IFITM1: variants seen among roughly 807,000 people sequenced by gnomAD.
IFITM1 encodes interferon induced transmembrane protein 1.
A neutral mutation model predicts 4.0 loss-of-function variants in IFITM1; 1 was observed. That is an observed-to-expected ratio of 0.25 (90% confidence interval 0.09 to 1.18). The LOEUF (loss-of-function observed/expected upper bound fraction) is 1.18. Among genes scored for constraint, IFITM1 ranks in the 50% most tolerant of loss-of-function variants. The pLI, the probability that IFITM1 is intolerant of heterozygous loss-of-function variation, is 0.50. For missense variants in IFITM1, 131 were observed against 163.2 expected, an observed-to-expected ratio of 0.80 and a Z score of 1.08; for synonymous variants, 79 against 69.7, an observed-to-expected ratio of 1.13 and a Z score of -0.67.
Position 314,297 on chromosome 11 carries a change from A to G in IFITM1, c.127A>G (p.Asn43Asp). ...VPDHVVWSLFNTLFLNWCCLG... is the reference protein window; with the variant it reads ...VPDHVVWSLFDTLFLNWCCLG... ...CGACCATGTCGTCTGGTCCCTGTTC[A>G]ACACCCTCTTCTTGAACTGGTGCTG... Residue 43 changes from asparagine (N) to aspartate (D), a missense_variant, in exon 1 of 2, where the codon AAC becomes GAC. By Grantham distance (23) the Asn-to-Asp change is conservative (BLOSUM62 1). Transcript: ENST00000408968. This position sits in a 1 kb window ranked among gnomAD's most constrained non-coding sequence, Gnocchi z 4.5. The G allele has an allele frequency of 6.2e-7, 1 of 1,613,904 alleles. No homozygotes were observed. Among genetic ancestry groups the G allele is most frequent in the Non-Finnish European group, 8.5e-7 (1 of 1,179,860 alleles).
Position 314,258 on chromosome 11 carries a change from G to A in IFITM1, c.88G>A (p.Glu30Lys), listed in dbSNP as rs367880644. 10 of 1,613,958 alleles carry A rather than the reference G, an allele frequency of 6.2e-6. No homozygotes were observed. Among genetic ancestry groups the A allele is most frequent in the Admixed American group, 1.7e-5 (1 of 60,016 alleles). Reference protein sequence around the residue: ...PRSTVINIHSETSVPDHVVWS... With the variant: ...PRSTVINIHSKTSVPDHVVWS... ...GTCCACCGTGATCAACATCCACAGCGAGACCTCCGTGCCCGACCATGTCGT... is the reference window on the plus strand; with the variant it reads ...GTCCACCGTGATCAACATCCACAGCAAGACCTCCGTGCCCGACCATGTCGT... The change falls in exon 1 of 2, where the codon GAG becomes AAG. Residue 30 changes from glutamate (E) to lysine (K), a missense_variant. Physicochemically the swap from Glu to Lys is moderately conservative, Grantham distance 56 (BLOSUM62 1). Around this residue, in one of 3 missense-constraint regions of IFITM1, gnomAD observed 77 missense variants for 80.1 expected, o/e 0.96. Transcript: ENST00000408968. The surrounding 1 kb of genome is among the most constrained non-coding windows in gnomAD (Gnocchi z 4.5).
chr11:314,368 C>T lies in IFITM1; in HGVS notation c.186+12C>T. The T allele has an allele frequency of 1.2e-6, 2 of 1,613,534 alleles. No individual in the cohort carries two copies. Among genetic ancestry groups the T allele is most frequent in the Non-Finnish European group, 1.7e-6 (2 of 1,179,518 alleles). The stretch of plus-strand genomic sequence containing the variant: ...CCTACTCCGTGAAGGTGCGTATGGC[C>T]CTGGCGGAAATCCAGGGGGTGCCGG... On this transcript the variant is annotated intron_variant, in intron 1 of 1. Transcript: ENST00000408968. This position sits in a 1 kb window ranked among gnomAD's most constrained non-coding sequence, Gnocchi z 4.5.
chr11:314,957 G>T lies in IFITM1; in HGVS notation c.222G>T (p.Gly74=), dbSNP rs1276990077. ...GGAAGATGGTTGGCGACGTGACCGG[G>T]GCCCAGGCCTATGCCTCCACCGCCA... ...RDRKMVGDVT[G]AQAYASTAKC... The change falls in exon 2 of 2, where the codon GGG becomes GGT. Residue 74 remains glycine (G), a synonymous_variant. Coordinates refer to ENST00000408968, the MANE Select transcript of IFITM1 (RefSeq NM_003641.5). This position sits in a 1 kb window ranked among gnomAD's most constrained non-coding sequence, Gnocchi z 4.5. The T allele has an allele frequency of 1.2e-6, 2 of 1,613,630 alleles. No homozygotes were observed. The highest frequency in any genetic ancestry group is 1.3e-5 in the African/African-American group (1 of 74,888).
rs914059036 is a variant in IFITM1, at chr11:314,441, G to T, written c.186+85G>T. ...CACATGCTGCCTGGGGTGGGGACTT[G>T]TGTGTCCCTGTGACTGTGAGTTTGT... On this transcript the variant is annotated intron_variant, in intron 1 of 1. Coordinates refer to ENST00000408968, the MANE Select transcript of IFITM1 (RefSeq NM_003641.5). This position sits in a 1 kb window ranked among gnomAD's most constrained non-coding sequence, Gnocchi z 4.5. 36 of 1,459,020 alleles carry T rather than the reference G, an allele frequency of 2.5e-5. No homozygotes were observed. The highest frequency in any genetic ancestry group is 3.3e-5 in the Non-Finnish European group (34 of 1,045,344). The allele number at this position is 1,459,020 out of a possible 1,614,324, so 90.4% of individuals were successfully genotyped here.
chr11:315,130 G>T lies in IFITM1; in HGVS notation c.*17G>T. On this transcript the variant is annotated 3_prime_UTR_variant, in exon 2 of 2. Transcript: ENST00000408968. ...GGTTACTAGTAGCCGCCCATAGCCT[G>T]CAACCTTTGCACTCCACTGTGCAAT... 2 of 1,612,284 alleles carry T rather than the reference G, an allele frequency of 1.2e-6. No individual in the cohort carries two copies. The highest frequency in any genetic ancestry group is 8.5e-7 in the Non-Finnish European group (1 of 1,178,780).
At position 315,177 on chromosome 11, in the gene IFITM1, T is replaced by C. The variant is rs1846040125; in HGVS notation, c.*64T>C. The C allele has an allele frequency of 1.3e-6, 2 of 1,501,364 alleles. No individual in the cohort carries two copies. The highest frequency in any genetic ancestry group is 1.8e-6 in the Non-Finnish European group (2 of 1,085,720). 93.0% of individuals were successfully genotyped at this position (1,501,364 alleles called of 1,614,324 possible). On this transcript the variant is annotated 3_prime_UTR_variant, in exon 2 of 2. Coordinates refer to ENST00000408968, the MANE Select transcript of IFITM1 (RefSeq NM_003641.5). Reference sequence around the variant, plus strand: ...CAATGCTGGCCCTGCACGCTGGGGCTGTTGCCCCTGCCCCCTTGGTCCTGC... The same window carrying C: ...CAATGCTGGCCCTGCACGCTGGGGCCGTTGCCCCTGCCCCCTTGGTCCTGC...
Position 315,240 on chromosome 11 carries a change from C to T in IFITM1, c.*127C>T. 1 of 838,596 alleles carries T rather than the reference C, an allele frequency of 1.2e-6. No individual in the cohort carries two copies. The highest frequency in any genetic ancestry group is 1.7e-5 in the South Asian group (1 of 60,578). The allele number at this position is 838,596 out of a possible 1,614,324, so 51.9% of individuals were successfully genotyped here. A position where few individuals can be genotyped will look rare whatever the true frequency, so the allele number is the denominator to read the frequency against. On this transcript the variant is annotated 3_prime_UTR_variant, in exon 2 of 2. Transcript: ENST00000408968. ...CAGTTTATACCCACACACCTGTCTA[C>T]AGTGTCATTCAATAAAGTGCACGTG...
Position 314,367 on chromosome 11 carries a change from C to A in IFITM1, c.186+11C>A. On this transcript the variant is annotated intron_variant, in intron 1 of 1. Coordinates refer to ENST00000408968, the MANE Select transcript of IFITM1 (RefSeq NM_003641.5). This position sits in a 1 kb window ranked among gnomAD's most constrained non-coding sequence, Gnocchi z 4.5. ...GCCTACTCCGTGAAGGTGCGTATGG[C>A]CCTGGCGGAAATCCAGGGGGTGCCG... 6.2e-7 allele frequency: 1 copy of A among 1,613,516 alleles called. No individual in the cohort carries two copies. Among genetic ancestry groups the A allele is most frequent in the Non-Finnish European group, 8.5e-7 (1 of 1,179,504 alleles).
chr11:314,949 G>A lies in IFITM1; in HGVS notation c.214G>A (p.Val72Met), dbSNP rs373832568. 6.2e-6 allele frequency: 10 copies of A among 1,613,474 alleles called. No homozygotes were observed. Among genetic ancestry groups the A allele is most frequent in the African/African-American group, 5.3e-5 (4 of 74,902 alleles). The change falls in exon 2 of 2, where the codon GTG becomes ATG. Residue 72 changes from valine (V) to methionine (M), a missense_variant. Physicochemically the swap from Val to Met is conservative, Grantham distance 21. This residue lies in a region of IFITM1 where 19 missense variants were observed against 53.0 expected (regional missense o/e 0.36). Coordinates refer to ENST00000408968, the MANE Select transcript of IFITM1 (RefSeq NM_003641.5). The surrounding 1 kb of genome is among the most constrained non-coding windows in gnomAD (Gnocchi z 4.5). Reference sequence around the variant, plus strand: ...TAGGGACAGGAAGATGGTTGGCGACGTGACCGGGGCCCAGGCCTATGCCTC... The same window carrying A: ...TAGGGACAGGAAGATGGTTGGCGACATGACCGGGGCCCAGGCCTATGCCTC... Reference protein sequence around the residue: ...KSRDRKMVGDVTGAQAYASTA... With the variant: ...KSRDRKMVGDMTGAQAYASTA...
At position 314,343 on chromosome 11, in the gene IFITM1, C is replaced by T. The variant is rs1846033085; in HGVS notation, c.173C>T (p.Ala58Val). 6.2e-7 allele frequency: 1 copy of T among 1,613,968 alleles called. No homozygotes were observed. ...TGCTGTCTGGGCTTCATAGCATTCG[C>T]CTACTCCGTGAAGGTGCGTATGGCC... ...NWCCLGFIAF[A>V]YSVKSRDRKM... The change falls in exon 1 of 2, where the codon GCC becomes GTC. Residue 58 changes from alanine to valine, a missense_variant. Transcript: ENST00000408968. The surrounding 1 kb of genome is among the most constrained non-coding windows in gnomAD (Gnocchi z 4.5).
chr11:314,886 G>T lies in IFITM1; in HGVS notation c.187-36G>T, dbSNP rs944019558. On this transcript the variant is annotated intron_variant, in intron 1 of 1. Coordinates refer to ENST00000408968, the MANE Select transcript of IFITM1 (RefSeq NM_003641.5). This position sits in a 1 kb window ranked among gnomAD's most constrained non-coding sequence, Gnocchi z 4.5. The stretch of plus-strand genomic sequence containing the variant: ...GCCATAGCACGCGGCTCTCAGCTGG[G>T]GGATCCTGGTCCCCTCACCATCTCC... The T allele has an allele frequency of 2.5e-6, 4 of 1,607,878 alleles. No individual in the cohort carries two copies. In the African/African-American group the frequency reaches 5.4e-5, roughly 22 times the overall value.
rs754285694 is a variant in IFITM1 at position 314,374 on chromosome 11, G to A, written c.186+18G>A. ...CCGTGAAGGTGCGTATGGCCCTGGC[G>A]GAAATCCAGGGGGTGCCGGTGAGCC... is the stretch of plus-strand genomic sequence containing the variant. On this transcript the variant is annotated intron_variant, in intron 1 of 1. Transcript: ENST00000408968. This position sits in a 1 kb window ranked among gnomAD's most constrained non-coding sequence, Gnocchi z 4.5. The A allele has an allele frequency of 2.6e-5, 42 of 1,613,048 alleles. No individual in the cohort carries two copies. In the Middle Eastern group the frequency reaches 8.2e-4, roughly 32 times the overall value.
At position 314,281 on chromosome 11, in the gene IFITM1, C is replaced by A. The variant is rs372302185; in HGVS notation, c.111C>A (p.Val37=). Residue 37 remains valine, a synonymous_variant, in exon 1 of 2, where the codon GTC becomes GTA. Coordinates refer to ENST00000408968, the MANE Select transcript of IFITM1 (RefSeq NM_003641.5). This position sits in a 1 kb window ranked among gnomAD's most constrained non-coding sequence, Gnocchi z 4.5. Reference sequence around the variant, plus strand: ...GCGAGACCTCCGTGCCCGACCATGTCGTCTGGTCCCTGTTCAACACCCTCT... The same window carrying A: ...GCGAGACCTCCGTGCCCGACCATGTAGTCTGGTCCCTGTTCAACACCCTCT... ...IHSETSVPDH[V]VWSLFNTLFL... 39 of 1,613,952 alleles carry A rather than the reference C, an allele frequency of 2.4e-5. 1 individual carries two copies. In the South Asian group the frequency reaches 4.0e-4, roughly 16 times the overall value.
In IFITM1 at chr11:314,081, G is replaced by T; in HGVS notation, c.-90G>T. 8.9e-7 allele frequency: 1 copy of T among 1,123,740 alleles called. No individual in the cohort carries two copies. The highest frequency in any genetic ancestry group is 1.3e-6 in the Non-Finnish European group (1 of 749,616). The allele number at this position is 1,123,740 out of a possible 1,614,324, so 69.6% of individuals were successfully genotyped here. On this transcript the variant is annotated 5_prime_UTR_variant, in exon 1 of 2. Transcript: ENST00000408968. This position sits in a 1 kb window ranked among gnomAD's most constrained non-coding sequence, Gnocchi z 4.5. The stretch of plus-strand genomic sequence containing the variant: ...GGAGGTCTCACTGAGCACCGTCCCA[G>T]CATCCGGACACCACAGCGGCCCTTC...
chr11:315,087 A>G lies in IFITM1; in HGVS notation c.352A>G (p.Ile118Val). 6.2e-7 allele frequency: 1 copy of G among 1,614,156 alleles called. No individual in the cohort carries two copies. Among genetic ancestry groups the G allele is most frequent in the Non-Finnish European group, 8.5e-7 (1 of 1,179,988 alleles). ...SVTVYHIMLQ[I>V]IQEKRGY ...GACAGTCTACCATATTATGTTACAGATAATACAGGAAAAACGGGGTTACTA... is the reference window on the plus strand; with the variant it reads ...GACAGTCTACCATATTATGTTACAGGTAATACAGGAAAAACGGGGTTACTA... The change falls in exon 2 of 2, where the codon ATA (isoleucine) becomes GTA (valine). Residue 118 changes from isoleucine (I) to valine (V), a missense_variant. Physicochemically the swap from Ile to Val is conservative, Grantham distance 29 (BLOSUM62 3). Transcript: ENST00000408968.
Position 315,046 on chromosome 11 carries a change from T to TG in IFITM1, c.313dup (p.Val105GlyfsTer54). 5.6e-6 allele frequency: 9 copies of TG among 1,614,198 alleles called. No homozygotes were observed. Among genetic ancestry groups the TG allele is most frequent in the Non-Finnish European group, 7.6e-6 (9 of 1,180,014 alleles). ...ATGACCATTGGATTCATCCTGTTAC[T>TG]GGTATTCGGCTCTGTGACAGTCTAC... On this transcript the variant is annotated frameshift_variant, in exon 2 of 2. Transcript: ENST00000408968. LOFTEE classifies it low-confidence loss of function (END_TRUNC).
Position 314,924 on chromosome 11 carries a change from T to A in IFITM1, c.189T>A (p.Ser63=), listed in dbSNP as rs1846037673. ...GFIAFAYSVK[S]RDRKMVGDVT... ...CCTCACCATCTCCTCTCCCCCAGTC[T>A]AGGGACAGGAAGATGGTTGGCGACG... The change falls in exon 2 of 2, where the codon TCT becomes TCA. Residue 63 remains serine (S), a splice_region_variant and synonymous_variant. Transcript: ENST00000408968. This position sits in a 1 kb window ranked among gnomAD's most constrained non-coding sequence, Gnocchi z 4.5. The A allele has an allele frequency of 3.7e-6, 6 of 1,612,806 alleles. No homozygotes were observed. Among genetic ancestry groups the A allele is most frequent in the Non-Finnish European group, 1.7e-6 (2 of 1,179,836 alleles).
rs200518942 is a variant in IFITM1, at chr11:315,095, G to C, written c.360G>C (p.Gln120His). Residue 120 changes from glutamine (Q) to histidine (H), a missense_variant, in exon 2 of 2, where the codon CAG (glutamine) becomes CAC (histidine). Physicochemically the swap from Gln to His is conservative, Grantham distance 24. Coordinates refer to ENST00000408968, the MANE Select transcript of IFITM1 (RefSeq NM_003641.5). The part of the protein sequence containing the change: ...TVYHIMLQII[Q>H]EKRGY ...ACCATATTATGTTACAGATAATACA[G>C]GAAAAACGGGGTTACTAGTAGCCGC... 138 of 1,613,978 alleles carry C rather than the reference G, an allele frequency of 8.6e-5. 1 individual carries two copies. Among genetic ancestry groups the C allele is most frequent in the Admixed American group, 4.3e-4 (26 of 60,002 alleles).
Position 314,095 on chromosome 11 carries a change from C to T in IFITM1, c.-76C>T. Reference sequence around the variant, plus strand: ...GCACCGTCCCAGCATCCGGACACCACAGCGGCCCTTCGCTCCACGCAGAAA... The same window carrying T: ...GCACCGTCCCAGCATCCGGACACCATAGCGGCCCTTCGCTCCACGCAGAAA... On this transcript the variant is annotated 5_prime_UTR_variant, in exon 1 of 2. Coordinates refer to ENST00000408968, the MANE Select transcript of IFITM1 (RefSeq NM_003641.5). This position sits in a 1 kb window ranked among gnomAD's most constrained non-coding sequence, Gnocchi z 4.5. 1.5e-6 allele frequency: 2 copies of T among 1,347,174 alleles called. No individual in the cohort carries two copies. Among genetic ancestry groups the T allele is most frequent in the Non-Finnish European group, 2.1e-6 (2 of 944,478 alleles). 83.5% of individuals were successfully genotyped at this position (1,347,174 alleles called of 1,614,324 possible).
Sources: gnomAD v4.1 joint callset for allele counts on GRCh38, gnomAD v4.1.1 for gene constraint, gnomAD v4.1.1 regional missense constraint, Gnocchi (gnomAD v3.1) non-coding constraint, MANE v1.5 for transcripts, NCBI Gene and HGNC (gene_info 2026-07-23, HGNC 2026-07-21) for gene names.